The following SPSB4 variants were observed in gnomAD, a reference collection of about 807,000 sequenced individuals.
The protein encoded by SPSB4 is SPRY domain-containing SOCS box protein 4.
In SPSB4, 21 loss-of-function variants were observed where a neutral mutation model predicts 20.9. The ratio of observed to expected loss-of-function variants is 1.01; its 90% CI spans 0.71 to 1.45. The LOEUF is 1.45. SPSB4 is among the 40% of genes most tolerant of loss of function. The pLI is 0.00. For synonymous variants in SPSB4, 207 were observed against 183.8 expected (o/e 1.13, Z -1.02); for missense variants, 399 against 399.2 (o/e 1.00, Z 0.00).
intron 2 of SPSB4, among the ~76,000 whole-genome samples, chr3:141,132,798 T>G (rs1212060602): frequency 6.6e-6 from 1 of 152,230 alleles, no homozygotes; most frequent in Non-Finnish European, 1.5e-5. Flanking sequence ...TAACTTATTT[T>G]CCTCTGGGTA....
At chr3:141,144,733 A>G (rs1939385079) in intron 2 of SPSB4, among the ~76,000 whole-genome samples, 1 of 152,202 alleles carries the variant, frequency 6.6e-6, no homozygotes. Flanking sequence ...GACTGCAGAG[A>G]GATGAAGATA....
At chr3:141,105,896 C>T (rs1438332218) in intron 2 of SPSB4, among the ~76,000 whole-genome samples, 5 of 152,230 alleles carry the variant, frequency 3.3e-5, no homozygotes, top group Non-Finnish European at 7.3e-5. Context: ...AATAAAGATA[C>T]ACTTTCATAA....
chr3:141,113,044 C>T (rs181837338), intron 2 of SPSB4, among the ~76,000 whole-genome samples: 1 of 152,274 alleles, frequency 6.6e-6, no homozygotes, highest in Non-Finnish European at 1.5e-5. Flanking sequence ...AGCAAAAGGT[C>T]AGGAAGCAGT....
intron 2 of SPSB4, chr3:141,115,250 G>A (rs548849202): frequency 1.4e-4 from 22 of 152,328 alleles, no homozygotes; most frequent in Admixed American, 2.0e-4. Context: ...GGTTGGATCC[G>A]ATCTCTGGCA....
chr3:141,122,933 C>T (rs1274269123), intron 2 of SPSB4, among the ~76,000 whole-genome samples: 3 of 152,166 alleles, frequency 2.0e-5, no homozygotes, highest in African/African-American at 7.2e-5. Flanking sequence ...TTCCGCTTGC[C>T]CTCCATGGGC....
intron 2 of SPSB4, among the ~76,000 whole-genome samples, chr3:141,136,141 CT>C (rs1939223666): frequency 6.6e-6 from 1 of 152,150 alleles, no homozygotes; most frequent in Non-Finnish European, 1.5e-5. Context: ...TGAATGTCTT[CT>C]TTTGAGAAGG....
At chr3:141,090,088 T>G (rs918107927) in intron 2 of SPSB4, among the ~76,000 whole-genome samples, 1 of 151,814 alleles carries the variant, frequency 6.6e-6, no homozygotes. Context: ...CATCCCCTCT[T>G]CTCTCCCTCT....
At chr3:141,111,271 TA>T (rs1371709705) in intron 2 of SPSB4, among the ~76,000 whole-genome samples, 172 of 151,674 alleles carry the variant, frequency 1.1e-3, no homozygotes, top group African/African-American at 3.9e-3. Flanking sequence ...ACTGTAGAAA[TA>T]TTAAAGTGTT....
chr3:141,062,245 G>C (rs554655629), intron 1 of SPSB4, among the ~76,000 whole-genome samples: 1 of 152,170 alleles, frequency 6.6e-6, no homozygotes, highest in South Asian at 2.1e-4. Flanking sequence ...GGGTTTTGGG[G>C]AAGACACCCA....
At chr3:141,065,878 T>A in intron 1 of SPSB4, 74 bp from the exon 2 acceptor site, 1 of 503,302 alleles carries the variant, frequency 2.0e-6, no homozygotes, top group South Asian at 3.0e-5. Flanking sequence ...AGCCAAGGCA[T>A]GGACATAAAT....
chr3:141,058,513 T>C (rs1409597598), intron 1 of SPSB4, among the ~76,000 whole-genome samples: 1 of 152,262 alleles, frequency 6.6e-6, no homozygotes, highest in East Asian at 1.9e-4. Flanking sequence ...GGTTGAGAGA[T>C]GATGGTATTC....
At chr3:141,146,334 A>T (rs1325291779) in intron 2 of SPSB4, among the ~76,000 whole-genome samples, 1 of 152,174 alleles carries the variant, frequency 6.6e-6, no homozygotes, top group East Asian at 1.9e-4. Context: ...AAGGAAAGCT[A>T]TAGGGGAAGT....
chr3:141,142,047 C>T (rs993219001), intron 2 of SPSB4, among the ~76,000 whole-genome samples: 1 of 151,906 alleles, frequency 6.6e-6, no homozygotes, highest in Non-Finnish European at 1.5e-5. Flanking sequence ...TCATTTAGTT[C>T]TGCTGTGATC....
chr3:141,095,836 A>G (rs536507514), intron 2 of SPSB4, among the ~76,000 whole-genome samples: 6 of 152,282 alleles, frequency 3.9e-5, no homozygotes, highest in African/African-American at 7.2e-5. Flanking sequence ...TCCAGACTCA[A>G]TGGAGAGCCA....
chr3:141,117,065 C>G (rs1037995886), intron 2 of SPSB4: 4 of 152,144 alleles, frequency 2.6e-5, no homozygotes, highest in Admixed American at 2.6e-4. Context: ...AAGCATCCTA[C>G]CTGGATGTCC....
At chr3:141,122,641 C>T (rs761082137) in intron 2 of SPSB4, among the ~76,000 whole-genome samples, 2 of 152,216 alleles carry the variant, frequency 1.3e-5, no homozygotes, top group Non-Finnish European at 2.9e-5. Flanking sequence ...ACTCAAGCTT[C>T]AGCAATGGCG....
At chr3:141,067,147 A>G (rs57164867) in intron 2 of SPSB4, among the ~76,000 whole-genome samples, 2,041 of 152,322 alleles carry the variant, frequency 0.013, 51 homozygotes, top group African/African-American at 0.047. Flanking sequence ...CCAATTACCA[A>G]TCTTCCAGTC....
intron 2 of SPSB4, among the ~76,000 whole-genome samples, chr3:141,090,770 A>T (rs2107791404): frequency 6.6e-6 from 1 of 152,302 alleles, no homozygotes; most frequent in South Asian, 2.1e-4. Context: ...CTAGGTTTTA[A>T]AAGGATCACT....
rs577539739 is a variant in SPSB4, at chr3:141,145,851, T to C, written c.695-1291T>C. Reference sequence around the variant, plus strand: ...TGTCCTGTTTTATTCCTCCTTTGCCTTTGCCTGTTCTCTCTGCCTAGGATA... The same window carrying C: ...TGTCCTGTTTTATTCCTCCTTTGCCCTTGCCTGTTCTCTCTGCCTAGGATA... On this transcript the variant is annotated intron_variant, in intron 2 of 2. Coordinates refer to ENST00000310546, the MANE Select transcript of SPSB4 (RefSeq NM_080862.3). Among the ~76,000 whole-genome samples the C allele has an allele frequency of 4.6e-5, 7 of 152,210 alleles. No individual in the cohort carries two copies. In the South Asian group the frequency reaches 1.0e-3, roughly 23 times the overall value.
Sources: gnomAD v4.1 joint callset for allele counts (sites outside exome capture counted in the v4.1 genomes callset) on GRCh38, gnomAD v4.1.1 for gene constraint, MANE v1.5 for transcripts, NCBI Gene and HGNC (gene_info 2026-07-23, HGNC 2026-07-21) for gene names.